Variants in TDRD12 observed in about 807,000 individuals in gnomAD.
TDRD12 encodes the protein tudor domain containing 12.
In TDRD12, 158 loss-of-function variants were observed where a neutral mutation model predicts 133.5. The observed-to-expected ratio is 1.18, with a 90% confidence interval of 1.04 to 1.35. The LOEUF (loss-of-function observed/expected upper bound fraction) is 1.35. TDRD12 is among the 40% of genes most tolerant of loss of function. The pLI is 0.00. For missense variants in TDRD12, 1,443 were observed against 1,321.3 expected, an observed-to-expected ratio of 1.09 and a Z score of -1.43; for synonymous variants, 460 against 477.9, an observed-to-expected ratio of 0.96 and a Z score of 0.49.
intron 5 of TDRD12, 37 bp downstream of exon 5, chr19:32,748,568 G>T: frequency 6.5e-7 from 1 of 1,539,114 alleles, no homozygotes; most frequent in African/African-American, 1.4e-5. Flanking sequence ...CTGCCTGGAA[G>T]TGACACCCAC....
intron 13 of TDRD12, among the ~76,000 whole-genome samples, chr19:32,793,864 G>A (rs1002215218): frequency 1.5e-5 from 2 of 137,272 alleles, no homozygotes; most frequent in African/African-American, 2.8e-5. Context: ...GCATGATCTC[G>A]GCTCACCACA....
chr19:32,722,679 A>ATTT (rs34068580), intron 1 of TDRD12, among the ~76,000 whole-genome samples: 1 of 102,062 alleles, frequency 9.8e-6, no homozygotes, highest in Non-Finnish European at 2.3e-5. Flanking sequence ...TTTAAAAAAA[A>ATTT]TTTTTTTTTT....
chr19:32,733,146 T>A (rs952625750), intron 2 of TDRD12, among the ~76,000 whole-genome samples: 1 of 152,118 alleles, frequency 6.6e-6, no homozygotes, highest in Admixed American at 6.6e-5. Flanking sequence ...CACTCTAGCC[T>A]GGGCGAGACA....
chr19:32,789,984 A>G (rs552075851), intron 11 of TDRD12, among the ~76,000 whole-genome samples: 3 of 152,218 alleles, frequency 2.0e-5, no homozygotes, highest in African/African-American at 7.2e-5. Flanking sequence ...CCTGAGTAAC[A>G]AGAGCGAAAC....
chr19:32,773,453 C>T lies in TDRD12; in HGVS notation c.964-3C>T, dbSNP rs1183191165. On this transcript the variant is annotated splice_region_variant and splice_polypyrimidine_tract_variant and intron_variant, in intron 9 of 27. Coordinates refer to ENST00000444215, the Ensembl canonical transcript of TDRD12. ...CTTTCTGAAGAAAAGTTTTCTTTTA[C>T]AGCGTGTTGAATCCTCAGTGTACTG... 3 of 1,551,578 alleles carry T rather than the reference C, an allele frequency of 1.9e-6. No homozygotes were observed. The highest frequency in any genetic ancestry group is 1.2e-5 in the South Asian group (1 of 84,058).
At chr19:32,766,039 A>G (rs1002800027) in intron 8 of TDRD12, among the ~76,000 whole-genome samples, 3 of 152,076 alleles carry the variant, frequency 2.0e-5, no homozygotes, top group African/African-American at 7.2e-5. Context: ...TAGCTTATCT[A>G]GATTTATTTT....
At chr19:32,806,057 G>A (rs889728400) in intron 21 of TDRD12, among the ~76,000 whole-genome samples, 4 of 151,912 alleles carry the variant, frequency 2.6e-5, no homozygotes, top group Admixed American at 1.3e-4. Flanking sequence ...GAATGAGCCT[G>A]TTAGTGTCTT....
intron 26 of TDRD12, 45 bp from the exon 27 acceptor site, chr19:32,818,044 A>G (rs1967242495): frequency 1.4e-6 from 1 of 702,100 alleles, no homozygotes; most frequent in African/African-American, 1.8e-5. Context: ...GGCTCCACAG[A>G]TGCACATGAT....
intron 1 of TDRD12, among the ~76,000 whole-genome samples, chr19:32,728,832 A>G (rs927627007): frequency 6.6e-5 from 7 of 105,850 alleles, no homozygotes; most frequent in East Asian, 5.1e-4. Flanking sequence ...TTTTTTTTGT[A>G]CAGATGGGGT....
chr19:32,776,464 T>C lies in TDRD12; in HGVS notation c.1041-685T>C, dbSNP rs554463450. On this transcript the variant is annotated intron_variant, in intron 10 of 27. Coordinates refer to ENST00000444215, the Ensembl canonical transcript of TDRD12. The stretch of plus-strand genomic sequence containing the variant: ...GAAAAACAATGGGGATTCCCCACAC[T>C]TTCTGGTTTAAAGGGCGCCTCTTCC... Among the ~76,000 whole-genome samples the C allele has an allele frequency of 5.9e-5, 9 of 152,324 alleles. 1 individual carries two copies. In the South Asian group the frequency reaches 1.9e-3, roughly 32 times the overall value.
At chr19:32,773,937 G>C (rs182283203) in intron 10 of TDRD12, among the ~76,000 whole-genome samples, 1 of 152,216 alleles carries the variant, frequency 6.6e-6, no homozygotes, top group African/African-American at 2.4e-5. Context: ...TTTGGACAGA[G>C]TTGTCCCTGT....
At chr19:32,826,240 C>T (rs1339202016), downstream of TDRD12, 3 of 1,478,616 alleles carry the variant, frequency 2.0e-6, no homozygotes, top group East Asian at 7.5e-5. Flanking sequence ...CTTTCTTCTT[C>T]TAGCTTCCAC....
intron 1 of TDRD12, among the ~76,000 whole-genome samples, chr19:32,730,900 G>A (rs1318227852): frequency 1.3e-5 from 2 of 152,046 alleles, no homozygotes; most frequent in African/African-American, 2.4e-5. Context: ...TTGTAATCCC[G>A]GCTACTCAGG....
chr19:32,822,238 T>C (rs1486386215), downstream of TDRD12, among the ~76,000 whole-genome samples: 2 of 152,182 alleles, frequency 1.3e-5, no homozygotes, highest in Admixed American at 6.5e-5. Context: ...GAGACCAGCC[T>C]GGCCAACATG....
intron 8 of TDRD12, among the ~76,000 whole-genome samples, chr19:32,761,242 A>C (rs1970141466): frequency 6.6e-6 from 1 of 152,100 alleles, no homozygotes; most frequent in African/African-American, 2.4e-5. Context: ...CAGCCTCCCA[A>C]GTAGCTGGGA....
At chr19:32,793,920 A>G (rs568166969) in intron 13 of TDRD12, among the ~76,000 whole-genome samples, 3 of 144,992 alleles carry the variant, frequency 2.1e-5, no homozygotes, top group East Asian at 2.1e-4. Context: ...TCAGCCTCCT[A>G]TGTAGCTAGG....
intron 19 of TDRD12, 45 bp from the exon 20 acceptor site, chr19:32,802,611 C>A (rs762835708): frequency 8.6e-6 from 13 of 1,519,818 alleles, no homozygotes; most frequent in Non-Finnish European, 7.0e-6. Context: ...AAAGTAAGTG[C>A]GGTAACTCCA....
chr19:32,735,513 T>TA (rs764976279), intron 2 of TDRD12, among the ~76,000 whole-genome samples: 32 of 152,244 alleles, frequency 2.1e-4, no homozygotes, highest in Non-Finnish European at 3.8e-4. Context: ...CTCCACAACA[T>TA]AAAGTGCAAG....
At chr19:32,783,670 G>A (rs1970829637) in intron 11 of TDRD12, among the ~76,000 whole-genome samples, 1 of 152,098 alleles carries the variant, frequency 6.6e-6, no homozygotes, top group African/African-American at 2.4e-5. Context: ...TCCTTGAAGA[G>A]GTCCTTCACA....
Sources: allele counts gnomAD v4.1 joint callset (sites outside exome capture counted in the v4.1 genomes callset), GRCh38; gene constraint gnomAD v4.1.1; transcripts MANE v1.5; gene names NCBI Gene and HGNC (gene_info 2026-07-23, HGNC 2026-07-21).